Variants in ATXN1 observed in about 807,000 individuals in gnomAD.
ATXN1 encodes the protein ataxin-1.
ATXN1 carries 8 observed loss-of-function variants against 56.4 expected under a neutral mutation model. That is an observed-to-expected ratio of 0.14 (90% CI 0.08 to 0.26). The LOEUF (loss-of-function observed/expected upper bound fraction) is 0.26. ATXN1 is among the 10% of genes least tolerant of loss of function. ATXN1 has a pLI of 1.00. For synonymous variants in ATXN1, 514 were observed against 494.6 expected (o/e 1.04, Z -0.52); for missense variants, 987 against 1,106.5 (o/e 0.89, Z 1.53).
chr6:16,635,914 G>A (rs1035015252), intron 3 of ATXN1, among the ~76,000 whole-genome samples: 1 of 152,172 alleles, frequency 6.6e-6, no homozygotes, highest in Admixed American at 6.5e-5. Flanking sequence ...AGCACAGTCC[G>A]TGCAAGGGAA....
chr6:16,587,735 C>A (rs1011509569), intron 3 of ATXN1, among the ~76,000 whole-genome samples: 2 of 151,846 alleles, frequency 1.3e-5, no homozygotes, highest in Non-Finnish European at 2.9e-5. Context: ...GAGTTCGAGA[C>A]CAGCCTGGCC....
intron 2 of ATXN1, among the ~76,000 whole-genome samples, chr6:16,714,774 G>A (rs1274122033): frequency 3.3e-5 from 5 of 152,094 alleles, no homozygotes; most frequent in Non-Finnish European, 7.4e-5. Flanking sequence ...TGTTTCAAAG[G>A]GGGGGCTATT....
At chr6:16,636,639 A>G (rs1763602371) in intron 3 of ATXN1, among the ~76,000 whole-genome samples, 1 of 152,232 alleles carries the variant, frequency 6.6e-6, no homozygotes, top group Admixed American at 6.5e-5. Flanking sequence ...TGACTAATAA[A>G]TGGTATCATG....
intron 6 of ATXN1, among the ~76,000 whole-genome samples, chr6:16,420,750 A>G (rs1759014947): frequency 6.6e-6 from 1 of 152,206 alleles, no homozygotes; most frequent in East Asian, 1.9e-4. Context: ...TTGCCACTAG[A>G]TAGAATGACC....
chr6:16,450,935 C>A (rs1759739742), intron 6 of ATXN1, among the ~76,000 whole-genome samples: 2 of 152,200 alleles, frequency 1.3e-5, no homozygotes, highest in Non-Finnish European at 2.9e-5. Context: ...ATTAAAAGGA[C>A]AACAGGGGCG....
intron 5 of ATXN1, among the ~76,000 whole-genome samples, chr6:16,518,766 C>T (rs1035198317): frequency 2.0e-5 from 3 of 152,080 alleles, no homozygotes; most frequent in Non-Finnish European, 2.9e-5. Context: ...TAGTCCAAAA[C>T]GCTAGACTGA....
chr6:16,332,225 TCAGTACTGATAAG>T (rs1055096605), intron 6 of ATXN1, among the ~76,000 whole-genome samples: 4 of 152,172 alleles, frequency 2.6e-5, no homozygotes, highest in Admixed American at 1.3e-4. Context: ...CCGTAAGCTT[TCAGTACTGATAAG>T]GGGAAACCCA....
intron 3 of ATXN1, chr6:16,652,724 C>G (rs1026499845): frequency 6.6e-6 from 1 of 152,202 alleles, no homozygotes; most frequent in African/African-American, 2.4e-5. Flanking sequence ...AAGAACTACG[C>G]AGAGGAAAAT....
At chr6:16,386,042 A>G (rs1481883622) in intron 6 of ATXN1, among the ~76,000 whole-genome samples, 1 of 152,200 alleles carries the variant, frequency 6.6e-6, no homozygotes, top group Admixed American at 6.5e-5. Flanking sequence ...CTAGGTAGAG[A>G]TAGATGCTTG....
rs74403517 is a variant in ATXN1, at chr6:16,588,809, AG to A, written c.-488-2903del. ...GAAGGAGGGAAGGAGGAAGGGAGGG[AG>A]GAAGGTAGGAAGAAAGGAAGGTCAT... On this transcript the variant is annotated intron_variant, in intron 3 of 7. Transcript: ENST00000436367. Among the ~76,000 whole-genome samples the A allele has an allele frequency of 9.2e-3, 1,406 of 152,274 alleles. 20 individuals are homozygous for A. Among genetic ancestry groups the A allele is most frequent in the East Asian group, 0.066 (343 of 5,170 alleles).
chr6:16,551,350 T>C (rs142284796), intron 4 of ATXN1, among the ~76,000 whole-genome samples: 46 of 152,290 alleles, frequency 3.0e-4, no homozygotes, highest in African/African-American at 1.0e-3. Context: ...AACATTCCCT[T>C]TGGTCTTTCA....
intron 2 of ATXN1, among the ~76,000 whole-genome samples, chr6:16,749,448 TA>T (rs1237927599): frequency 1.3e-5 from 2 of 152,240 alleles, no homozygotes; most frequent in Non-Finnish European, 2.9e-5. Flanking sequence ...CATTCATTTT[TA>T]TACACACACA....
At chr6:16,695,078 T>C (rs1759134736) in intron 2 of ATXN1, among the ~76,000 whole-genome samples, 1 of 152,130 alleles carries the variant, frequency 6.6e-6, no homozygotes, top group Non-Finnish European at 1.5e-5. Context: ...CCCACTGAAG[T>C]GGTGGCTCTT....
At chr6:16,576,711 G>A (rs1762428422) in intron 4 of ATXN1, among the ~76,000 whole-genome samples, 1 of 152,182 alleles carries the variant, frequency 6.6e-6, no homozygotes, top group South Asian at 2.1e-4. Flanking sequence ...GCACATATGT[G>A]TTGTGTCTTT....
chr6:16,398,475 GTTTA>G (rs1300146089), intron 6 of ATXN1, among the ~76,000 whole-genome samples: 1 of 152,076 alleles, frequency 6.6e-6, no homozygotes, highest in Non-Finnish European at 1.5e-5. Context: ...TGTGTATAGA[GTTTA>G]TTTTACACAC....
At chr6:16,324,427 G>C (rs1043407059) in intron 7 of ATXN1, among the ~76,000 whole-genome samples, 1 of 151,278 alleles carries the variant, frequency 6.6e-6, no homozygotes, top group Non-Finnish European at 1.5e-5. Flanking sequence ...TTCCAGCCTA[G>C]GAGACAAGAA....
chr6:16,479,722 T>C (rs1271479003), intron 6 of ATXN1, among the ~76,000 whole-genome samples: 7 of 152,212 alleles, frequency 4.6e-5, no homozygotes, highest in African/African-American at 9.6e-5. Context: ...TTCGAATTTA[T>C]ACCACCTAAA....
At chr6:16,334,676 C>T (rs549283116) in intron 6 of ATXN1, among the ~76,000 whole-genome samples, 5 of 152,140 alleles carry the variant, frequency 3.3e-5, no homozygotes, top group Admixed American at 6.5e-5. Context: ...ATGATTGCTC[C>T]ACTGCACTCC....
intron 5 of ATXN1, among the ~76,000 whole-genome samples, chr6:16,486,958 CTT>C (rs1760559564): frequency 6.6e-6 from 1 of 151,768 alleles, no homozygotes; most frequent in Non-Finnish European, 1.5e-5. Context: ...GATTGGATAA[CTT>C]TTTGTTTATT....
Sources: gnomAD v4.1 joint callset for allele counts (sites outside exome capture counted in the v4.1 genomes callset) on GRCh38, gnomAD v4.1.1 for gene constraint, MANE v1.5 for transcripts, NCBI Gene and HGNC (gene_info 2026-07-23, HGNC 2026-07-21) for gene names.